FAM83G: variants seen among roughly 807,000 people sequenced by gnomAD.
FAM83G encodes scaffolding CK1 anchoring protein G, also known as protein FAM83G.
In FAM83G, 38 loss-of-function variants were observed where a neutral mutation model predicts 61.5. The observed-to-expected ratio is 0.62, with a 90% CI of 0.48 to 0.81. FAM83G has a LOEUF of 0.81. Among genes scored for constraint, FAM83G ranks in the 30% least tolerant of loss-of-function variants. FAM83G has a pLI of 0.00. For missense variants in FAM83G, 989 were observed against 1,133.6 expected, an observed-to-expected ratio of 0.87 and a Z score of 1.83; for synonymous variants, 470 against 476.1, an observed-to-expected ratio of 0.99 and a Z score of 0.17.
chr17:18,984,465 T>G (rs1385099410), intron 3 of FAM83G, among the ~76,000 whole-genome samples: 2 of 152,160 alleles, frequency 1.3e-5, no homozygotes, highest in East Asian at 3.9e-4. Flanking sequence ...GCGGAAGGGC[T>G]GGGTCGTGCC....
chr17:18,978,240 G>A lies in FAM83G; in HGVS notation c.1426C>T (p.Pro476Ser). The change falls in exon 5 of 6, where the codon CCT becomes TCT. Residue 476 changes from proline to serine, a missense_variant. Pro to Ser is a moderately conservative substitution (Grantham distance 74). Transcript: ENST00000388995. ...QDSRPRPEPCPPPEPSAPQDG... is the reference protein window; with the variant it reads ...QDSRPRPEPCSPPEPSAPQDG... ...TGGGGGGCACTGGGCTCTGGGGGAG[G>A]GCAAGGCTCTGGACGGGGCCTGCTG... is the stretch of plus-strand genomic sequence containing the variant. 1 of 1,593,576 alleles carries A rather than the reference G, an allele frequency of 6.3e-7. No individual in the cohort carries two copies. Among genetic ancestry groups the A allele is most frequent in the Non-Finnish European group, 8.6e-7 (1 of 1,169,044 alleles).
At position 19,004,219 on chromosome 17, in the gene FAM83G, CGGGGAGGGGCGGCG is replaced by C; in HGVS notation, c.-128-64_-128-51del. The C allele has an allele frequency of 8.3e-6, 1 of 120,842 alleles. No homozygotes were observed. Among genetic ancestry groups the C allele is most frequent in the Non-Finnish European group, 1.7e-5 (1 of 60,210 alleles). The allele number at this position is 120,842 out of a possible 1,614,324, so 7.5% of individuals were successfully genotyped here. On this transcript the variant is annotated intron_variant, in intron 1 of 5. Coordinates refer to ENST00000388995, the MANE Select transcript of FAM83G (RefSeq NM_001039999.3). This position sits in a 1 kb window ranked among gnomAD's most constrained non-coding sequence, Gnocchi z 5.4. The stretch of plus-strand genomic sequence containing the variant: ...GGCTCGGCGGGGAGGGCGGGCCGCG[CGGGGAGGGGCGGCG>C]GGGGCGGGGCCGGGAACTCAGGTGG...
rs779496696 is a variant in FAM83G at position 18,977,806 on chromosome 17, G to C, written c.1860C>G (p.Phe620Leu). ...SVASSVSEEY[F>L]EVREHSVPLR... is the part of the protein sequence containing the mutation. ...GAGGGACTGAGTGCTCTCTCACCTCGAAGTACTCCTCTGACACAGAGGAAG... is the reference window on the plus strand; with the variant it reads ...GAGGGACTGAGTGCTCTCTCACCTCCAAGTACTCCTCTGACACAGAGGAAG... The change falls in exon 5 of 6, where the codon TTC (phenylalanine) becomes TTG (leucine). Residue 620 changes from phenylalanine (F) to leucine (L), a missense_variant. Phe to Leu is a conservative substitution (Grantham distance 22). Around this residue, in one of 3 missense-constraint regions of FAM83G, gnomAD observed 574 missense variants for 645.1 expected, o/e 0.89. Transcript: ENST00000388995. 22 of 1,604,818 alleles carry C rather than the reference G, an allele frequency of 1.4e-5. 1 individual carries two copies. Among genetic ancestry groups the C allele is most frequent in the South Asian group, 1.0e-4 (9 of 90,174 alleles).
intron 3 of FAM83G, 43 bp downstream of exon 3, chr17:18,988,204 C>A: frequency 6.3e-7 from 1 of 1,595,386 alleles, no homozygotes; most frequent in Non-Finnish European, 8.6e-7. Context: ...GACTGAATGA[C>A]CCCTGCCCTC....
Position 18,968,878 on chromosome 17 carries a change from C to A in FAM83G, c.*2481G>T. ...CAAGCTTGTAGCTCCACGGCCAGGT[C>A]TTCCCCCAACCTCACAATGGCCCCG... On this transcript the variant is annotated 3_prime_UTR_variant, in exon 6 of 6. Coordinates refer to ENST00000388995, the MANE Select transcript of FAM83G (RefSeq NM_001039999.3). This position sits in a 1 kb window ranked among gnomAD's most constrained non-coding sequence, Gnocchi z 4.1. 1 of 606,360 alleles carries A rather than the reference C, an allele frequency of 1.6e-6. No homozygotes were observed. Among genetic ancestry groups the A allele is most frequent in the Non-Finnish European group, 2.9e-6 (1 of 346,750 alleles). The allele number at this position is 606,360 out of a possible 1,614,324, so 37.6% of individuals were successfully genotyped here.
At chr17:18,999,438 T>A (rs1257881795) in intron 2 of FAM83G, among the ~76,000 whole-genome samples, 1 of 152,176 alleles carries the variant, frequency 6.6e-6, no homozygotes, top group African/African-American at 2.4e-5. Context: ...ACTGGGGGTC[T>A]CGGCCCAGTC....
chr17:18,989,375 G>A (rs922324840), intron 2 of FAM83G, among the ~76,000 whole-genome samples: 15 of 152,224 alleles, frequency 9.9e-5, no homozygotes, highest in Admixed American at 5.2e-4. Flanking sequence ...TGCTGGGGAT[G>A]TGTCTGCACG....
intron 3 of FAM83G, among the ~76,000 whole-genome samples, chr17:18,985,787 G>A (rs762354465): frequency 2.0e-4 from 31 of 152,192 alleles, no homozygotes; most frequent in Non-Finnish European, 4.1e-4. Context: ...CGAGGCGGCT[G>A]AGCAGGGCAG....
Position 19,004,430 on chromosome 17 carries a change from C to T in FAM83G, c.-128-261G>A, listed in dbSNP as rs542040093. 1.3e-5 allele frequency among the ~76,000 whole-genome samples: 2 copies of T among 152,266 alleles called. No individual in the cohort carries two copies. Among genetic ancestry groups the T allele is most frequent in the South Asian group, 2.1e-4 (1 of 4,830 alleles). On this transcript the variant is annotated intron_variant, in intron 1 of 5. Transcript: ENST00000388995. This position sits in a 1 kb window ranked among gnomAD's most constrained non-coding sequence, Gnocchi z 5.4. ...CCCATATCCCAGATTTCCGGAGCTG[C>T]CTGAAGTCCTCGCAACTTCTGAGGG...
At chr17:18,989,372 G>A (rs1295870402) in intron 2 of FAM83G, among the ~76,000 whole-genome samples, 1 of 152,202 alleles carries the variant, frequency 6.6e-6, no homozygotes, top group Non-Finnish European at 1.5e-5. Context: ...GCCTGCTGGG[G>A]ATGTGTCTGC....
intron 3 of FAM83G, among the ~76,000 whole-genome samples, chr17:18,985,327 G>T (rs1555574606): frequency 6.6e-6 from 1 of 152,184 alleles, no homozygotes; most frequent in Non-Finnish European, 1.5e-5. Flanking sequence ...TCTGCCCAAG[G>T]TTACCATGCA....
intron 3 of FAM83G, among the ~76,000 whole-genome samples, 180 bp downstream of exon 3, chr17:18,988,067 T>C (rs563096914): frequency 6.6e-6 from 1 of 152,390 alleles, no homozygotes; most frequent in East Asian, 1.9e-4. Context: ...GTGAGTATCC[T>C]GCCCCTCAGG....
Position 18,971,655 on chromosome 17 carries a change from T to C in FAM83G, c.2176A>G (p.Ser726Gly). ...GPPRYRSAAD[S>G]VQSSTRNAGP... ...GCGTTTCTGGTAGAGCTCTGGACGC[T>C]GTCAGCAGCAGAGCGGTACCTAGGG... Residue 726 changes from serine (S) to glycine (G), a missense_variant, in exon 6 of 6, where the codon AGC (serine) becomes GGC (glycine). By Grantham distance (56) the Ser-to-Gly change is moderately conservative. Around this residue, in one of 3 missense-constraint regions of FAM83G, gnomAD observed 574 missense variants for 645.1 expected, o/e 0.89. Transcript: ENST00000388995. This position sits in a 1 kb window ranked among gnomAD's most constrained non-coding sequence, Gnocchi z 5.5. 1 of 1,613,368 alleles carries C rather than the reference T, an allele frequency of 6.2e-7. No individual in the cohort carries two copies. The highest frequency in any genetic ancestry group is 1.1e-5 in the South Asian group (1 of 91,074).
upstream of FAM83G, chr17:19,004,833 T>C (rs1373897458): frequency 1.3e-5 from 2 of 151,480 alleles, no homozygotes; most frequent in Non-Finnish European, 1.5e-5. The surrounding 1 kb of genome is among the most constrained non-coding windows in gnomAD (Gnocchi z 5.4). Context: ...TGCGGTCACG[T>C]GCCGCCCGGG....
At position 18,990,785 on chromosome 17, in the gene FAM83G, G is replaced by A. The variant is rs146457705; in HGVS notation, c.523-2371C>T. On this transcript the variant is annotated intron_variant, in intron 2 of 5. Coordinates refer to ENST00000388995, the MANE Select transcript of FAM83G (RefSeq NM_001039999.3). ...GGCACGAGCTTATGCTGGGGATGGG[G>A]AGGGGGAGCCTGGTGCTCCCCCAGG... Among the ~76,000 whole-genome samples the A allele has an allele frequency of 3.2e-3, 304 of 94,124 alleles. 1 individual carries two copies. Among genetic ancestry groups the A allele is most frequent in the African/African-American group, 0.012 (284 of 22,802 alleles). 61.7% of individuals were successfully genotyped at this position (94,124 alleles called of 152,430 possible). A position where few individuals can be genotyped will look rare whatever the true frequency, so the allele number is the denominator to read the frequency against.
chr17:18,969,358 A>G lies in FAM83G; in HGVS notation c.*2001T>C. On this transcript the variant is annotated 3_prime_UTR_variant, in exon 6 of 6. Coordinates refer to ENST00000388995, the MANE Select transcript of FAM83G (RefSeq NM_001039999.3). Reference sequence around the variant, plus strand: ...CACTGGCAGGGGGCCTGGCTGCTGTAATCTACACGGACGCCCTGCAGACGC... The same window carrying G: ...CACTGGCAGGGGGCCTGGCTGCTGTGATCTACACGGACGCCCTGCAGACGC... 6.2e-7 allele frequency: 1 copy of G among 1,613,110 alleles called. No homozygotes were observed. Among genetic ancestry groups the G allele is most frequent in the Non-Finnish European group, 8.5e-7 (1 of 1,179,844 alleles).
rs917453627 is a variant in FAM83G, at chr17:19,000,504, G to A, written c.522+3016C>T. ...ATTCTAGTCATTTGGGAACAGGGGG[G>A]ACTGACAGCAGTCCTGACAGGAACA... is the stretch of plus-strand genomic sequence containing the variant. On this transcript the variant is annotated intron_variant, in intron 2 of 5. Transcript: ENST00000388995. This position sits in a 1 kb window ranked among gnomAD's most constrained non-coding sequence, Gnocchi z 5.2. Among the ~76,000 whole-genome samples, 1 of 152,172 alleles carries A rather than the reference G, an allele frequency of 6.6e-6. No individual in the cohort carries two copies. Among genetic ancestry groups the A allele is most frequent in the South Asian group, 2.1e-4 (1 of 4,830 alleles).
At chr17:18,984,132 G>A (rs1215462976) in intron 3 of FAM83G, among the ~76,000 whole-genome samples, 2 of 152,014 alleles carry the variant, frequency 1.3e-5, no homozygotes, top group Non-Finnish European at 2.9e-5. Context: ...CACGAGGTCA[G>A]CAGATCGAGA....
Position 18,971,219 on chromosome 17 carries a change from G to A in FAM83G, c.*140C>T. ...CACCTGGTACTGGTGCACCGACCAGGTGAGTGCCAACGTCTCCCGCCCATC... is the reference window on the plus strand; with the variant it reads ...CACCTGGTACTGGTGCACCGACCAGATGAGTGCCAACGTCTCCCGCCCATC... On this transcript the variant is annotated 3_prime_UTR_variant, in exon 6 of 6. Transcript: ENST00000388995. The surrounding 1 kb of genome is among the most constrained non-coding windows in gnomAD (Gnocchi z 5.5). 2 of 1,613,856 alleles carry A rather than the reference G, an allele frequency of 1.2e-6. No individual in the cohort carries two copies. The highest frequency in any genetic ancestry group is 2.2e-5 in the South Asian group (2 of 91,088).
Sources: allele counts gnomAD v4.1 joint callset (sites outside exome capture counted in the v4.1 genomes callset), GRCh38; gene constraint gnomAD v4.1.1; regional missense constraint gnomAD v4.1.1; non-coding constraint Gnocchi (gnomAD v3.1); transcripts MANE v1.5; gene names NCBI Gene and HGNC (gene_info 2026-07-23, HGNC 2026-07-21).